The following DCC variants were observed in gnomAD, a reference collection of about 807,000 sequenced individuals.
The protein encoded by DCC is netrin receptor DCC.
A neutral mutation model predicts 172.5 loss-of-function variants in DCC; 58 were observed. The observed-to-expected ratio is 0.34, with a 90% confidence interval of 0.27 to 0.42. DCC has a LOEUF of 0.42. DCC is among the 10% of genes least tolerant of loss of function. The pLI is 1.00. For synonymous variants in DCC, 709 were observed against 644.5 expected (o/e 1.10, Z -1.52); for missense variants, 1,740 against 1,791.0 (o/e 0.97, Z 0.51).
At chr18:52,418,079 C>T (rs1188346375) in intron 1 of DCC, among the ~76,000 whole-genome samples, 1 of 152,178 alleles carries the variant, frequency 6.6e-6, no homozygotes, top group Non-Finnish European at 1.5e-5. Context: ...AGTTCACTTG[C>T]TCCAGGTCCT....
At chr18:53,326,600 A>G (rs532427336) in intron 14 of DCC, among the ~76,000 whole-genome samples, 1 of 152,206 alleles carries the variant, frequency 6.6e-6, no homozygotes, top group Non-Finnish European at 1.5e-5. Context: ...TCAACCTGCT[A>G]GTTTGCTCTA....
chr18:53,530,124 A>G (rs2046509609), intron 28 of DCC, among the ~76,000 whole-genome samples: 1 of 152,212 alleles, frequency 6.6e-6, no homozygotes, highest in East Asian at 1.9e-4. Flanking sequence ...ACAGGAGCTA[A>G]TGTATTGAAT....
intron 5 of DCC, among the ~76,000 whole-genome samples, chr18:52,962,129 G>C (rs1408305487): frequency 6.7e-6 from 1 of 149,984 alleles, no homozygotes; most frequent in Non-Finnish European, 1.5e-5. Flanking sequence ...AAACTAAAGA[G>C]CTTCTGCACA....
chr18:52,603,125 C>T (rs530826161), intron 1 of DCC, among the ~76,000 whole-genome samples: 78 of 152,104 alleles, frequency 5.1e-4, no homozygotes, highest in Non-Finnish European at 9.0e-4. Flanking sequence ...ATTTCAAGGA[C>T]TAATTCCAGA....
chr18:52,513,717 C>T (rs76687595), intron 1 of DCC, among the ~76,000 whole-genome samples: 7,396 of 152,172 alleles, frequency 0.049, 222 homozygotes, highest in Non-Finnish European at 0.059. Flanking sequence ...TTCCTCCATA[C>T]TACATGATGG....
At chr18:53,478,084 C>T (rs1338199394) in intron 25 of DCC, among the ~76,000 whole-genome samples, 1 of 152,198 alleles carries the variant, frequency 6.6e-6, no homozygotes, top group Admixed American at 6.5e-5. Context: ...TACAGAATAA[C>T]ACCAGTGAGG....
At chr18:53,169,780 T>C (rs2054984856) in intron 8 of DCC, among the ~76,000 whole-genome samples, 1 of 152,162 alleles carries the variant, frequency 6.6e-6, no homozygotes, top group Non-Finnish European at 1.5e-5. Flanking sequence ...GGTAAACTTC[T>C]CATTATTCAC....
intron 1 of DCC, among the ~76,000 whole-genome samples, chr18:52,398,196 A>G (rs1383327545): frequency 6.6e-6 from 1 of 152,022 alleles, no homozygotes; most frequent in Non-Finnish European, 1.5e-5. Context: ...GGATTTCACA[A>G]CTTTGGTCCC....
chr18:53,432,886 A>C (rs1484367806), intron 21 of DCC, among the ~76,000 whole-genome samples: 3 of 152,140 alleles, frequency 2.0e-5, no homozygotes, highest in African/African-American at 4.8e-5. Flanking sequence ...TTAGATCAAG[A>C]GATCTTAGGC....
At chr18:53,271,435 A>G (rs1390196108) in intron 12 of DCC, among the ~76,000 whole-genome samples, 1 of 152,158 alleles carries the variant, frequency 6.6e-6, no homozygotes, top group Admixed American at 6.5e-5. Context: ...TGTGGCTCAG[A>G]ATCTCCCACA....
intron 28 of DCC, among the ~76,000 whole-genome samples, chr18:53,527,973 T>C (rs1432972155): frequency 6.6e-6 from 1 of 152,166 alleles, no homozygotes; most frequent in Admixed American, 6.5e-5. Context: ...TCTGCCACCC[T>C]TCCAACTAGC....
intron 1 of DCC, among the ~76,000 whole-genome samples, chr18:52,405,364 G>A (rs9676176): frequency 0.29 from 34,765 of 118,222 alleles, 5,639 homozygotes; most frequent in Admixed American, 0.34. Flanking sequence ...TCTAACTGGT[G>A]TGAGATGGTA....
At chr18:52,409,545 C>T (rs1280995437) in intron 1 of DCC, among the ~76,000 whole-genome samples, 10 of 152,130 alleles carry the variant, frequency 6.6e-5, no homozygotes, top group Admixed American at 2.6e-4. Flanking sequence ...TTAGAGCCAG[C>T]GGCCTGGGTC....
intron 5 of DCC, among the ~76,000 whole-genome samples, chr18:52,965,392 C>T (rs115372809): frequency 0.013 from 2,042 of 152,046 alleles, 60 homozygotes; most frequent in African/African-American, 0.047. Context: ...AGGAAGATTC[C>T]TCCTCCTCCA....
At position 53,076,579 on chromosome 18, in the gene DCC, G is replaced by A. The variant is rs192210992; in HGVS notation, c.1261+10413G>A. Among the ~76,000 whole-genome samples, 302 of 152,226 alleles carry A rather than the reference G, an allele frequency of 2.0e-3. 2 individuals carry two copies. Among genetic ancestry groups the A allele is most frequent in the Admixed American group, 0.011 (165 of 15,276 alleles). On this transcript the variant is annotated intron_variant, in intron 7 of 28. Transcript: ENST00000442544. ...ATGCCTATACCTCTTTTTCTGTAGA[G>A]TAAGTTATTTGATTCTTTTCAATAT...
chr18:52,649,096 G>A (rs1416617059), intron 1 of DCC, among the ~76,000 whole-genome samples: 2 of 152,206 alleles, frequency 1.3e-5, no homozygotes, highest in African/African-American at 2.4e-5. Flanking sequence ...CTTTATGGCC[G>A]GGCGCGGTGG....
intron 1 of DCC, among the ~76,000 whole-genome samples, chr18:52,736,712 C>CT (rs1186542814): frequency 6.6e-6 from 1 of 152,052 alleles, no homozygotes; most frequent in Non-Finnish European, 1.5e-5. Context: ...CAAACAGTGA[C>CT]TTTTTTTATG....
chr18:52,754,831 T>C (rs1022952581), intron 2 of DCC, among the ~76,000 whole-genome samples: 2 of 152,162 alleles, frequency 1.3e-5, no homozygotes, highest in African/African-American at 2.4e-5. Context: ...GGACAGTGGG[T>C]CACTCTACCT....
At chr18:53,445,843 T>C (rs1912562144) in intron 22 of DCC, among the ~76,000 whole-genome samples, 1 of 152,002 alleles carries the variant, frequency 6.6e-6, no homozygotes, top group East Asian at 1.9e-4. Context: ...ATTACTAATT[T>C]TAATGGAACA....
Sources: gnomAD v4.1 joint callset for allele counts (sites outside exome capture counted in the v4.1 genomes callset) on GRCh38, gnomAD v4.1.1 for gene constraint, MANE v1.5 for transcripts, NCBI Gene and HGNC (gene_info 2026-07-23, HGNC 2026-07-21) for gene names.